Variants in SCN11A observed in about 807,000 individuals in gnomAD.
SCN11A encodes the protein sodium voltage-gated channel alpha subunit 11.
In SCN11A, 122 loss-of-function variants were observed where a neutral mutation model predicts 162.2. The ratio of observed to expected loss-of-function variants is 0.75; its 90% CI spans 0.65 to 0.87. The LOEUF is 0.87. SCN11A is among the 40% of genes least tolerant of loss of function. The pLI, the probability that SCN11A is intolerant of heterozygous loss-of-function variation, is 0.00. For missense variants in SCN11A, 2,015 were observed against 2,181.6 expected (o/e 0.92, Z 1.52); for synonymous variants, 758 against 751.5 (o/e 1.01, Z -0.14).
At chr3:39,031,575 GAAAA>G (rs1268308869) in intron 2 of SCN11A, among the ~76,000 whole-genome samples, 2 of 150,614 alleles carry the variant, frequency 1.3e-5, no homozygotes, top group African/African-American at 4.9e-5. Context: ...GAAGGAAAAA[GAAAA>G]AGAAAGATAA....
At chr3:39,049,461 T>C (rs950406790) in intron 1 of SCN11A, among the ~76,000 whole-genome samples, 1 of 152,230 alleles carries the variant, frequency 6.6e-6, no homozygotes, top group Non-Finnish European at 1.5e-5. Context: ...AAAGCAAATC[T>C]CAATCTAGAA....
chr3:39,022,975 G>A (rs980168981), intron 2 of SCN11A, among the ~76,000 whole-genome samples: 1 of 152,146 alleles, frequency 6.6e-6, no homozygotes, highest in East Asian at 1.9e-4. Context: ...TTTCGATGAA[G>A]TTAAGGAATT....
At chr3:38,977,769 G>C (rs1182393907) in intron 2 of SCN11A, among the ~76,000 whole-genome samples, 2 of 152,124 alleles carry the variant, frequency 1.3e-5, no homozygotes, top group African/African-American at 4.8e-5. Flanking sequence ...TGGAATGCAT[G>C]TTTTTCTTTC....
intron 2 of SCN11A, among the ~76,000 whole-genome samples, chr3:38,983,015 G>C (rs2030115272): frequency 6.6e-6 from 1 of 152,176 alleles, no homozygotes; most frequent in South Asian, 2.1e-4. Context: ...GGCTTCTCTT[G>C]AAAACTCAGA....
At chr3:38,978,664 C>T (rs2066863976) in intron 2 of SCN11A, among the ~76,000 whole-genome samples, 3 of 151,890 alleles carry the variant, frequency 2.0e-5, no homozygotes. Flanking sequence ...AAATTAATAA[C>T]TCTTTTCATA....
At chr3:38,980,489 G>A (rs1021123167) in intron 2 of SCN11A, among the ~76,000 whole-genome samples, 1 of 152,128 alleles carries the variant, frequency 6.6e-6, no homozygotes, top group Non-Finnish European at 1.5e-5. Flanking sequence ...GCTGCAATAC[G>A]CTCTTACTGC....
chr3:38,859,462 A>T (rs983851934), intron 28 of SCN11A, among the ~76,000 whole-genome samples: 3 of 152,184 alleles, frequency 2.0e-5, no homozygotes, highest in African/African-American at 7.2e-5. Context: ...CCTAGATTAA[A>T]TCAGGAAGAA....
At chr3:38,872,097 T>C (rs1402028651) in intron 24 of SCN11A, 96 bp downstream of exon 24, 3 of 795,916 alleles carry the variant, frequency 3.8e-6, no homozygotes, top group East Asian at 2.5e-5. Flanking sequence ...CAGGAAAAGC[T>C]TGGCAATTTA....
chr3:38,939,873 A>G (rs1179662430), intron 7 of SCN11A, among the ~76,000 whole-genome samples: 1 of 151,738 alleles, frequency 6.6e-6, no homozygotes, highest in Admixed American at 6.6e-5. Flanking sequence ...ATTGCACTCC[A>G]GCCTGAGCGA....
chr3:38,911,395 T>C (rs181312917), intron 11 of SCN11A, among the ~76,000 whole-genome samples: 309 of 152,298 alleles, frequency 2.0e-3, no homozygotes, highest in Non-Finnish European at 3.0e-3. Flanking sequence ...GCCAGTTTGA[T>C]TTTTGTTCCT....
rs2066345993 is a variant in SCN11A at position 38,937,069 on chromosome 3, A to C, written c.488+8342T>G. Among the ~76,000 whole-genome samples the C allele has an allele frequency of 3.9e-5, 6 of 152,302 alleles. 1 individual carries two copies. The South Asian group carries it at 1.2e-3, about 32-fold the overall frequency. ...ACAGAGCCCTCAGAAACAACGCCGC[A>C]TATCTACAACTATCTGATCTTTGAC... On this transcript the variant is annotated intron_variant, in intron 7 of 29. Coordinates refer to ENST00000302328, the MANE Select transcript of SCN11A (RefSeq NM_001349253.2).
At position 38,904,042 on chromosome 3, in the gene SCN11A, G is replaced by A. The variant is rs1194464342; in HGVS notation, c.1665C>T (p.Leu555=). The change falls in exon 16 of 30, where the codon CTC becomes CTT. Residue 555 remains leucine (L), a synonymous_variant. Transcript: ENST00000302328. The part of the protein sequence containing the change: ...PCGENLASKY[L]VWNCCPQWLC... ...GCCACTGGGGGCAACAGTTCCACAC[G>A]AGGTACTTGGATGCCAGGTTTTCTC... is the stretch of plus-strand genomic sequence containing the variant. 6 of 1,603,416 alleles carry A rather than the reference G, an allele frequency of 3.7e-6. No individual in the cohort carries two copies. Among genetic ancestry groups the A allele is most frequent in the East Asian group, 2.2e-5 (1 of 44,726 alleles).
At chr3:38,927,965 GA>G (rs2066170864) in intron 7 of SCN11A, among the ~76,000 whole-genome samples, 1 of 152,138 alleles carries the variant, frequency 6.6e-6, no homozygotes, top group African/African-American at 2.4e-5. Context: ...ATAGAATAGA[GA>G]GCCCAGAAGT....
intron 9 of SCN11A, 103 bp downstream of exon 9, chr3:38,925,312 C>T: frequency 2.7e-6 from 2 of 740,424 alleles, no homozygotes; most frequent in Non-Finnish European, 4.5e-6. Flanking sequence ...GTAAAGCAGG[C>T]TTTGTTTGTT....
At chr3:38,934,321 G>A (rs1425819830) in intron 7 of SCN11A, among the ~76,000 whole-genome samples, 5 of 152,136 alleles carry the variant, frequency 3.3e-5, no homozygotes, top group African/African-American at 7.2e-5. Flanking sequence ...ATCAACTAAT[G>A]AGCAAAATAA....
At chr3:38,861,857 T>G (rs1015376196) in intron 28 of SCN11A, among the ~76,000 whole-genome samples, 1 of 151,922 alleles carries the variant, frequency 6.6e-6, no homozygotes, top group Non-Finnish European at 1.5e-5. Flanking sequence ...AGAACCCAAA[T>G]GCAAATGCAA....
At chr3:39,000,298 TG>T (rs2030770688) in intron 2 of SCN11A, among the ~76,000 whole-genome samples, 1 of 152,208 alleles carries the variant, frequency 6.6e-6, no homozygotes, top group African/African-American at 2.4e-5. Flanking sequence ...GTCTTTGATT[TG>T]TGTCTGGGTT....
chr3:38,942,586 C>T (rs2066458100), intron 7 of SCN11A, among the ~76,000 whole-genome samples: 1 of 152,034 alleles, frequency 6.6e-6, no homozygotes, highest in Non-Finnish European at 1.5e-5. Context: ...TTAAAAAACA[C>T]ACTTCTAAAT....
chr3:38,979,036 G>A (rs892263937), intron 2 of SCN11A, among the ~76,000 whole-genome samples: 4 of 152,166 alleles, frequency 2.6e-5, no homozygotes, highest in Non-Finnish European at 5.9e-5. Context: ...GGCGCTGTGG[G>A]TCTCTCCTTC....
Sources: gnomAD v4.1 joint callset for allele counts (sites outside exome capture counted in the v4.1 genomes callset) on GRCh38, gnomAD v4.1.1 for gene constraint, MANE v1.5 for transcripts, NCBI Gene and HGNC (gene_info 2026-07-23, HGNC 2026-07-21) for gene names.